TDRD5: variants seen among roughly 807,000 people sequenced by gnomAD.
The protein encoded by TDRD5 is tudor domain-containing protein 5.
In TDRD5, 41 loss-of-function variants were observed where a neutral mutation model predicts 120.6. The observed-to-expected ratio is 0.34, with a 90% confidence interval of 0.26 to 0.44. TDRD5 has a LOEUF of 0.44. Ranked by LOEUF, TDRD5 falls within the 20% of genes least tolerant of loss-of-function variation. TDRD5 has a pLI of 1.00. For synonymous variants in TDRD5, 430 were observed against 433.7 expected (o/e 0.99, Z 0.11); for missense variants, 1,006 against 1,221.2 (o/e 0.82, Z 2.63).
chr1:179,651,986 T>C, intron 12 of TDRD5, 53 bp from the exon 13 acceptor site: 2 of 1,571,326 alleles, frequency 1.3e-6, no homozygotes, highest in Admixed American at 1.9e-5. Context: ...TTTCTCGCCC[T>C]TTTTCTGTTG....
At chr1:179,681,658 C>G (rs946505377) in intron 17 of TDRD5, among the ~76,000 whole-genome samples, 2 of 151,820 alleles carry the variant, frequency 1.3e-5, no homozygotes, top group African/African-American at 4.8e-5. Context: ...GCTGTTATAG[C>G]GTGAAAACAG....
intron 5 of TDRD5, among the ~76,000 whole-genome samples, 179 bp downstream of exon 5, chr1:179,618,861 A>G: frequency 6.6e-6 from 1 of 152,210 alleles, no homozygotes; most frequent in East Asian, 1.9e-4. Flanking sequence ...AAAATTTTTA[A>G]CATAAAACTA....
At position 179,639,830 on chromosome 1, in the gene TDRD5, A is replaced by T. The variant is rs774904347; in HGVS notation, c.1521-9A>T. The T allele has an allele frequency of 1.9e-6, 3 of 1,613,578 alleles. No individual in the cohort carries two copies. Among genetic ancestry groups the T allele is most frequent in the Non-Finnish European group, 2.5e-6 (3 of 1,179,866 alleles). ...CCTATGGATTTCTCTGTATTATGGA[A>T]TTCCACAGGCGCTGTTATTCTAATC... On this transcript the variant is annotated splice_polypyrimidine_tract_variant and intron_variant, in intron 9 of 17. Coordinates refer to ENST00000444136, the MANE Select transcript of TDRD5 (RefSeq NM_001199085.3).
chr1:179,663,386 T>G lies in TDRD5; in HGVS notation c.2544T>G (p.Asp848Glu), dbSNP rs781499055. The G allele has an allele frequency of 2.5e-6, 4 of 1,613,670 alleles. No individual in the cohort carries two copies. The African/African-American group carries it at 5.3e-5, about 22-fold the overall frequency. ...CTACCCCTAAAGATACATGGGATGATTCTTGGCAGCCTTCAGGCCTTGTAA... is the reference window on the plus strand; with the variant it reads ...CTACCCCTAAAGATACATGGGATGAGTCTTGGCAGCCTTCAGGCCTTGTAA... Reference protein sequence around the residue: ...CFSTPKDTWDDSWQPSGLVNG... With the variant: ...CFSTPKDTWDESWQPSGLVNG... Residue 848 changes from aspartate to glutamate, a missense_variant, in exon 16 of 18, where the codon GAT becomes GAG. Physicochemically the swap from Asp to Glu is conservative, Grantham distance 45. Coordinates refer to ENST00000444136, the MANE Select transcript of TDRD5 (RefSeq NM_001199085.3).
chr1:179,613,559 A>G (rs1676395901), intron 4 of TDRD5, among the ~76,000 whole-genome samples: 1 of 152,232 alleles, frequency 6.6e-6, no homozygotes, highest in Admixed American at 6.5e-5. Flanking sequence ...ATTTTTCAAC[A>G]TCTTGAAGTC....
chr1:179,665,392 C>T (rs1679508401), intron 16 of TDRD5, among the ~76,000 whole-genome samples: 3 of 152,042 alleles, frequency 2.0e-5, no homozygotes, highest in Non-Finnish European at 4.4e-5. Flanking sequence ...TACATTTAGG[C>T]CTTTGATCCA....
chr1:179,655,582 T>G (rs998501930), intron 14 of TDRD5, among the ~76,000 whole-genome samples: 1 of 152,208 alleles, frequency 6.6e-6, no homozygotes, highest in Non-Finnish European at 1.5e-5. Flanking sequence ...AATAACTCCC[T>G]TGTGCTACTG....
At chr1:179,632,577 TC>T (rs1364073591) in intron 7 of TDRD5, among the ~76,000 whole-genome samples, 1 of 152,166 alleles carries the variant, frequency 6.6e-6, no homozygotes, top group Non-Finnish European at 1.5e-5. Flanking sequence ...CAAGACTTTT[TC>T]CAATGAATAT....
At chr1:179,688,086 T>G (rs1227866476) in intron 17 of TDRD5, among the ~76,000 whole-genome samples, 1 of 152,172 alleles carries the variant, frequency 6.6e-6, no homozygotes, top group African/African-American at 2.4e-5. Context: ...ATCCTGTCAT[T>G]ATGATGTTAG....
chr1:179,660,017 C>T (rs11809475), intron 14 of TDRD5, among the ~76,000 whole-genome samples: 7,173 of 151,938 alleles, frequency 0.047, 262 homozygotes, highest in Non-Finnish European at 0.07. Flanking sequence ...TTTTTTAATC[C>T]ACTCTGACAA....
chr1:179,666,866 A>G (rs1006461721), intron 16 of TDRD5, among the ~76,000 whole-genome samples: 1 of 152,102 alleles, frequency 6.6e-6, no homozygotes, highest in East Asian at 1.9e-4. Flanking sequence ...ATGTGAAGTG[A>G]TTTGGGGCAT....
chr1:179,687,492 T>A (rs1680790667), intron 17 of TDRD5, among the ~76,000 whole-genome samples: 1 of 152,232 alleles, frequency 6.6e-6, no homozygotes. Flanking sequence ...ATAAGTGTGA[T>A]GTGGTGCTGA....
At chr1:179,640,092 T>G in intron 10 of TDRD5, 41 bp downstream of exon 10, 1 of 1,598,180 alleles carries the variant, frequency 6.3e-7, no homozygotes, top group African/African-American at 1.3e-5. Flanking sequence ...AATTAAATTT[T>G]GAATCACAGT....
intron 15 of TDRD5, 92 bp downstream of exon 15, chr1:179,662,378 A>C: frequency 7.2e-7 from 1 of 1,379,904 alleles, no homozygotes; most frequent in East Asian, 2.6e-5. Flanking sequence ...AGGTGGGTGG[A>C]TCAGTTGAGC....
Position 179,650,423 on chromosome 1 carries a change from AGTT to A in TDRD5, c.1801-443_1801-441del, listed in dbSNP as rs200996857. On this transcript the variant is annotated intron_variant, in intron 11 of 17. Coordinates refer to ENST00000444136, the MANE Select transcript of TDRD5 (RefSeq NM_001199085.3). ...CTCAAAAAAAAAAAAAAAAAAAAAAAGTTCAAATTGCCTGGATTAGCAGATACC... is the reference window on the plus strand; with the variant it reads ...CTCAAAAAAAAAAAAAAAAAAAAAAACAAATTGCCTGGATTAGCAGATACC... 1.1e-3 allele frequency among the ~76,000 whole-genome samples: 148 copies of A among 140,112 alleles called. 2 individuals carry two copies. Among genetic ancestry groups the A allele is most frequent in the African/African-American group, 3.6e-3 (137 of 38,152 alleles). The allele number at this position is 140,112 out of a possible 152,430, so 91.9% of individuals were successfully genotyped here. A position where few individuals can be genotyped will look rare whatever the true frequency, so the allele number is the denominator to read the frequency against.
At chr1:179,630,145 C>T (rs1398579514) in intron 6 of TDRD5, among the ~76,000 whole-genome samples, 1 of 151,942 alleles carries the variant, frequency 6.6e-6, no homozygotes, top group Admixed American at 6.6e-5. Flanking sequence ...CTACAGGTGC[C>T]CATCACCACG....
At chr1:179,650,433 G>C in intron 11 of TDRD5, among the ~76,000 whole-genome samples, 1 of 145,552 alleles carries the variant, frequency 6.9e-6, no homozygotes, top group African/African-American at 2.5e-5. Flanking sequence ...AGTTCAAATT[G>C]CCTGGATTAG....
intron 14 of TDRD5, among the ~76,000 whole-genome samples, chr1:179,660,578 A>G (rs1679260515): frequency 6.6e-6 from 1 of 152,172 alleles, no homozygotes. Context: ...GTACTTAGTC[A>G]GCATTTTACC....
At chr1:179,674,528 G>A (rs554048464) in intron 17 of TDRD5, among the ~76,000 whole-genome samples, 7 of 151,940 alleles carry the variant, frequency 4.6e-5, no homozygotes, top group South Asian at 2.1e-4. Context: ...GTCCTTTCCC[G>A]GTTTTGGTAT....
Sources: allele counts gnomAD v4.1 joint callset (sites outside exome capture counted in the v4.1 genomes callset), GRCh38; gene constraint gnomAD v4.1.1; transcripts MANE v1.5; gene names NCBI Gene and HGNC (gene_info 2026-07-23, HGNC 2026-07-21).